OR4Q3: variants seen among roughly 807,000 people sequenced by gnomAD.
OR4Q3 encodes olfactory receptor 4Q3.
A neutral mutation model predicts 18.8 loss-of-function variants in OR4Q3; 17 were observed. The observed-to-expected ratio is 0.91, with a 90% CI of 0.62 to 1.36. The LOEUF (loss-of-function observed/expected upper bound fraction) is 1.36, where lower values mean the gene tolerates loss of function less well. Ranked by LOEUF, OR4Q3 falls within the 40% of genes most tolerant of loss-of-function variation. The probability of loss-of-function intolerance (pLI) is 0.00; values close to 1 mark genes in which losing one functional copy is unlikely to be tolerated. For missense variants in OR4Q3, 378 were observed against 373.4 expected, an observed-to-expected ratio of 1.01 and a Z score of -0.10; for synonymous variants, 158 against 145.8, an observed-to-expected ratio of 1.08 and a Z score of -0.60.
At chr14:19,744,992 T>C in intron 1 of OR4Q3, among the ~76,000 whole-genome samples, 1 of 152,202 alleles carries the variant, frequency 6.6e-6, no homozygotes, top group Non-Finnish European at 1.5e-5. Flanking sequence ...GCTTTCTATA[T>C]TGTTTAGTAT....
At chr14:19,748,940 T>C in exon 2 of OR4Q3, 12 of 154,576 alleles carry the variant, frequency 7.8e-5, no homozygotes, top group African/African-American at 2.9e-4. Context: ...ATCAGTCTAA[T>C]GAACATATGC....
At chr14:19,749,719 C>T, downstream of OR4Q3, among the ~76,000 whole-genome samples, 1 of 142,612 alleles carries the variant, frequency 7.0e-6, no homozygotes, top group Non-Finnish European at 1.5e-5. Flanking sequence ...CAGATTGCTT[C>T]TTTCTTTCTT....
chr14:19,747,929 C>T lies in OR4Q3; in HGVS notation c.526C>T (p.Pro176Ser). The T allele has an allele frequency of 2.0e-5, 33 of 1,613,872 alleles. No individual in the cohort carries two copies. Among genetic ancestry groups the T allele is most frequent in the Middle Eastern group, 3.3e-4 (2 of 6,082 alleles). ...GCAGGTCATACTAGTCATCCAGCTGCCTTTCTGTGGGCCCAATGAACTGGA... is the reference window on the plus strand; with the variant it reads ...GCAGGTCATACTAGTCATCCAGCTGTCTTTCTGTGGGCCCAATGAACTGGA... Residue 176 changes from proline (P) to serine (S), a missense_variant, in exon 2 of 2, where the codon CCT (proline) becomes TCT (serine). Pro to Ser is a moderately conservative substitution (Grantham distance 74, BLOSUM62 -1). Coordinates refer to ENST00000642117, the Ensembl canonical transcript of OR4Q3.
Position 19,747,395 on chromosome 14 carries a change from T to C in OR4Q3, c.3-11T>C. The C allele has an allele frequency of 7.1e-7, 1 of 1,415,368 alleles. No homozygotes were observed. The highest frequency in any genetic ancestry group is 9.8e-7 in the Non-Finnish European group (1 of 1,024,662). The allele number at this position is 1,415,368 out of a possible 1,614,324, so 87.7% of individuals were successfully genotyped here. A position where few individuals can be genotyped will look rare whatever the true frequency, so the allele number is the denominator to read the frequency against. On this transcript the variant is annotated splice_polypyrimidine_tract_variant and intron_variant, in intron 1 of 1. Coordinates refer to ENST00000642117, the Ensembl canonical transcript of OR4Q3. ...TTAAATCTCCCTTGTTCTGATTTAA[T>C]TCTTCTTTAGGTCACTTGATATTCT...
downstream of OR4Q3, chr14:19,749,574 G>A: frequency 1.2e-4 from 10 of 81,790 alleles, no homozygotes; most frequent in Non-Finnish European, 2.0e-4. Context: ...ACTCCAGCCT[G>A]GGCAACAAAA....
intron 1 of OR4Q3, among the ~76,000 whole-genome samples, chr14:19,745,690 C>T: frequency 6.6e-6 from 1 of 152,186 alleles, no homozygotes; most frequent in Non-Finnish European, 1.5e-5. Flanking sequence ...CTGAAAAGAA[C>T]ATCAAAATGA....
At chr14:19,748,676 T>C in exon 2 of OR4Q3, 4 of 310,722 alleles carry the variant, frequency 1.3e-5, no homozygotes, top group Admixed American at 4.5e-5. Context: ...TGTTCATTTA[T>C]TCAATTTTTT....
chr14:19,747,051 T>C, intron 1 of OR4Q3, among the ~76,000 whole-genome samples: 1 of 152,220 alleles, frequency 6.6e-6, no homozygotes, highest in Non-Finnish European at 1.5e-5. Context: ...CCATTGATAA[T>C]GGTGGAGCTA....
chr14:19,750,119 G>A, downstream of OR4Q3, among the ~76,000 whole-genome samples: 2 of 151,958 alleles, frequency 1.3e-5, no homozygotes, highest in African/African-American at 2.4e-5. Context: ...CAAGTAGCTG[G>A]GATTACAGGT....
exon 1 of OR4Q3, chr14:19,743,665 C>G (rs1877357372): frequency 1.3e-5 from 2 of 152,278 alleles, no homozygotes; most frequent in Non-Finnish European, 2.9e-5. Context: ...TTCTGACAAG[C>G]AAAGATGTAG....
downstream of OR4Q3, among the ~76,000 whole-genome samples, chr14:19,749,896 TTC>T: frequency 1.5e-4 from 2 of 13,752 alleles, no homozygotes; most frequent in African/African-American, 1.1e-4. Flanking sequence ...CTTTCTTTCT[TTC>T]TTTCTTTCTT....
exon 2 of OR4Q3, chr14:19,748,473 G>A: frequency 1.2e-6 from 1 of 844,264 alleles, no homozygotes. Flanking sequence ...TGGTATAAAA[G>A]AGGAGATAGC....
chr14:19,747,384 T>C, intron 1 of OR4Q3, 22 bp from the exon 2 acceptor site: 2 of 1,288,614 alleles, frequency 1.6e-6, no homozygotes, highest in Middle Eastern at 1.9e-4. Context: ...ATCTCCCTTG[T>C]TCTGATTTAA....
exon 2 of OR4Q3, chr14:19,748,228 T>A: frequency 6.2e-7 from 1 of 1,613,928 alleles, no homozygotes; most frequent in African/African-American, 1.3e-5. Context: ...GCAGCTTCTC[T>A]GTGGATAAGA....
chr14:19,748,036 C>G, exon 2 of OR4Q3: 18 of 1,614,030 alleles, frequency 1.1e-5, no homozygotes, highest in East Asian at 6.7e-5. Flanking sequence ...TGATAGCCAA[C>G]AGTGGTCTGC....
chr14:19,745,946 A>C, intron 1 of OR4Q3, among the ~76,000 whole-genome samples: 1 of 152,304 alleles, frequency 6.6e-6, no homozygotes, highest in African/African-American at 2.4e-5. Context: ...GATGGTCACA[A>C]TCATGGTGTG....
chr14:19,749,691 G>GTATTTA, downstream of OR4Q3, among the ~76,000 whole-genome samples: 1 of 145,044 alleles, frequency 6.9e-6, no homozygotes, highest in Non-Finnish European at 1.5e-5. Context: ...CTCAGAAAGA[G>GTATTTA]TATTTATCCC....
exon 2 of OR4Q3, chr14:19,748,124 G>A: frequency 6.2e-7 from 1 of 1,614,002 alleles, no homozygotes; most frequent in East Asian, 2.2e-5. Context: ...CTTCTGCCAG[G>A]GCCAGAACAA....
intron 1 of OR4Q3, among the ~76,000 whole-genome samples, chr14:19,745,425 T>C: frequency 6.6e-6 from 1 of 152,210 alleles, no homozygotes; most frequent in Non-Finnish European, 1.5e-5. Flanking sequence ...AAGTGTACCA[T>C]ACACCTTTGG....
Sources: gnomAD v4.1 joint callset for allele counts (sites outside exome capture counted in the v4.1 genomes callset) on GRCh38, gnomAD v4.1.1 for gene constraint, MANE v1.5 for transcripts, NCBI Gene and HGNC (gene_info 2026-07-23, HGNC 2026-07-21) for gene names.